Variants in WWTR1 observed in about 807,000 individuals in gnomAD.
WWTR1 encodes the protein WW domain containing transcription regulator 1, also known as WW domain-containing transcription regulator protein 1.
Under a neutral mutation model 40.1 loss-of-function variants are expected in WWTR1, and 13 were observed. The ratio of observed to expected loss-of-function variants is 0.32; its 90% CI spans 0.21 to 0.52. The LOEUF is 0.52. Ranked by LOEUF, WWTR1 falls within the 20% of genes least tolerant of loss-of-function variation. WWTR1 has a pLI of 0.97. For synonymous variants in WWTR1, 230 were observed against 210.1 expected, an observed-to-expected ratio of 1.09 and a Z score of -0.82; for missense variants, 436 against 523.1, an observed-to-expected ratio of 0.83 and a Z score of 1.63.
intron 4 of WWTR1, among the ~76,000 whole-genome samples, chr3:149,531,924 G>A (rs1247713437): frequency 6.6e-6 from 1 of 152,090 alleles, no homozygotes; most frequent in Admixed American, 6.6e-5. Context: ...ACAAATATGA[G>A]AGAAATAATA....
At chr3:149,626,205 C>T (rs1430039686) in intron 2 of WWTR1, among the ~76,000 whole-genome samples, 1 of 152,140 alleles carries the variant, frequency 6.6e-6, no homozygotes, top group African/African-American at 2.4e-5. Context: ...CAGTAGGAAA[C>T]AATTGCAAAT....
intron 4 of WWTR1, among the ~76,000 whole-genome samples, chr3:149,531,998 A>C (rs1735603342): frequency 6.6e-6 from 1 of 152,098 alleles, no homozygotes; most frequent in Admixed American, 6.5e-5. Context: ...GTCCTGCTGC[A>C]CTCTTTCCTG....
intron 2 of WWTR1, among the ~76,000 whole-genome samples, chr3:149,668,717 G>C (rs1050123698): frequency 6.6e-6 from 1 of 152,116 alleles, no homozygotes; most frequent in African/African-American, 2.4e-5. Context: ...TTACCAATGG[G>C]GAACGGGGGA....
In WWTR1 at chr3:149,517,574, C is replaced by T. The variant is rs180890027; in HGVS notation, c.*3231G>A. On this transcript the variant is annotated 3_prime_UTR_variant, in exon 7 of 7. Coordinates refer to ENST00000360632, the MANE Select transcript of WWTR1 (RefSeq NM_015472.6). ...TTCTAATTACGTCATGAGAACACAACTTGTAATTAGCAACACTTCTGTCAG... is the reference window on the plus strand; with the variant it reads ...TTCTAATTACGTCATGAGAACACAATTTGTAATTAGCAACACTTCTGTCAG... The T allele has an allele frequency of 6.6e-5, 10 of 152,176 alleles. No individual in the cohort carries two copies. Among genetic ancestry groups the T allele is most frequent in the Admixed American group, 6.5e-4 (10 of 15,280 alleles). 9.4% of individuals were successfully genotyped at this position (152,176 alleles called of 1,614,324 possible).
intron 1 of WWTR1, among the ~76,000 whole-genome samples, chr3:149,674,370 C>T (rs9821008): frequency 0.016 from 2,378 of 152,138 alleles, 31 homozygotes; most frequent in Middle Eastern, 0.061. Context: ...AGGCGGATCA[C>T]GAGGTCCGGA....
At chr3:149,607,464 G>A (rs1489600382) in intron 2 of WWTR1, among the ~76,000 whole-genome samples, 5 of 152,064 alleles carry the variant, frequency 3.3e-5, no homozygotes, top group African/African-American at 4.8e-5. Context: ...ACAGGCACAC[G>A]CCGCAATGCC....
intron 2 of WWTR1, among the ~76,000 whole-genome samples, chr3:149,633,805 C>G (rs1560095288): frequency 1.3e-5 from 2 of 152,052 alleles, no homozygotes; most frequent in African/African-American, 4.8e-5. Context: ...CTGCCAGGAG[C>G]TGTGGGTGGC....
At chr3:149,688,431 T>C (rs1714720099) in intron 1 of WWTR1, among the ~76,000 whole-genome samples, 1 of 151,978 alleles carries the variant, frequency 6.6e-6, no homozygotes, top group African/African-American at 2.4e-5. Flanking sequence ...CAGCTCAGAA[T>C]GGAGAGAGAG....
intron 2 of WWTR1, among the ~76,000 whole-genome samples, chr3:149,640,657 G>A (rs1400734341): frequency 6.6e-6 from 1 of 152,060 alleles, no homozygotes; most frequent in Non-Finnish European, 1.5e-5. Context: ...CTGGCCTCAA[G>A]TAATCCACCC....
intron 6 of WWTR1, among the ~76,000 whole-genome samples, chr3:149,524,889 A>C (rs1316244700): frequency 6.6e-6 from 1 of 152,212 alleles, no homozygotes; most frequent in Non-Finnish European, 1.5e-5. Context: ...ATAATGGAGA[A>C]GGAACTTTCA....
intron 3 of WWTR1, among the ~76,000 whole-genome samples, chr3:149,558,731 G>T (rs1393341967): frequency 6.6e-6 from 1 of 152,144 alleles, no homozygotes; most frequent in Non-Finnish European, 1.5e-5. Flanking sequence ...ATTTAAAAAT[G>T]ATTCACAAAA....
At chr3:149,675,246 CTGAT>C (rs1714223925) in intron 1 of WWTR1, among the ~76,000 whole-genome samples, 1 of 152,282 alleles carries the variant, frequency 6.6e-6, no homozygotes, top group Non-Finnish European at 1.5e-5. Context: ...TTACCAGTGA[CTGAT>C]TGTTTTTAAA....
At chr3:149,712,844 G>T (rs1715513316) in intron 5 of WWTR1, among the ~76,000 whole-genome samples, 1 of 152,130 alleles carries the variant, frequency 6.6e-6, no homozygotes, top group African/African-American at 2.4e-5. Flanking sequence ...CAATATAAAT[G>T]ATATCTCATT....
At chr3:149,702,741 C>T (rs955826855) in intron 1 of WWTR1, 14 of 151,926 alleles carry the variant, frequency 9.2e-5, no homozygotes, top group African/African-American at 3.1e-4. Context: ...ATCAGTTCTC[C>T]TTTGACCATA....
At chr3:149,699,389 G>C (rs1452072966) in intron 1 of WWTR1, among the ~76,000 whole-genome samples, 1 of 150,904 alleles carries the variant, frequency 6.6e-6, no homozygotes, top group Non-Finnish European at 1.5e-5. Context: ...TGCCTCCCCA[G>C]TTCAAGTGAT....
At chr3:149,634,147 G>A (rs775889287) in intron 2 of WWTR1, among the ~76,000 whole-genome samples, 15 of 152,182 alleles carry the variant, frequency 9.9e-5, no homozygotes, top group South Asian at 2.1e-4. Flanking sequence ...TGTCAAGACC[G>A]GTGAGAGGGA....
chr3:149,716,873 G>C (rs1401086310), intron 5 of WWTR1, among the ~76,000 whole-genome samples: 1 of 152,122 alleles, frequency 6.6e-6, no homozygotes, highest in Non-Finnish European at 1.5e-5. Flanking sequence ...TGGGCATACA[G>C]TCACAAGAAT....
intron 3 of WWTR1, among the ~76,000 whole-genome samples, chr3:149,567,072 A>G (rs1286845559): frequency 6.6e-6 from 1 of 151,836 alleles, no homozygotes; most frequent in Admixed American, 6.6e-5. Context: ...TTTTTCCTGT[A>G]CTGTCAGGAA....
chr3:149,593,060 C>T (rs1236314096), intron 2 of WWTR1, among the ~76,000 whole-genome samples: 1 of 152,140 alleles, frequency 6.6e-6, no homozygotes, highest in African/African-American at 2.4e-5. Flanking sequence ...ACCCAGATAC[C>T]GACTGCAGGA....
Sources: allele counts gnomAD v4.1 joint callset (sites outside exome capture counted in the v4.1 genomes callset), GRCh38; gene constraint gnomAD v4.1.1; transcripts MANE v1.5; gene names NCBI Gene and HGNC (gene_info 2026-07-23, HGNC 2026-07-21).